Variants in GRIA4 observed in about 807,000 individuals in gnomAD.
The protein encoded by GRIA4 is glutamate ionotropic receptor AMPA type subunit 4, also known as glutamate receptor 4.
GRIA4 carries 34 observed loss-of-function variants against 104.0 expected under a neutral mutation model. The observed-to-expected ratio is 0.33, with a 90% CI of 0.25 to 0.44. The LOEUF (loss-of-function observed/expected upper bound fraction) is 0.44, where lower values mean the gene tolerates loss of function less well. Ranked by LOEUF, GRIA4 falls within the 20% of genes least tolerant of loss-of-function variation. The pLI, the probability that GRIA4 is intolerant of heterozygous loss-of-function variation, is 1.00. For missense variants in GRIA4, 750 were observed against 1,096.5 expected (o/e 0.68, Z 4.46); for synonymous variants, 386 against 381.9 (o/e 1.01, Z -0.13).
chr11:105,723,215 T>A (rs1430980559), intron 3 of GRIA4, among the ~76,000 whole-genome samples: 1 of 152,136 alleles, frequency 6.6e-6, no homozygotes, highest in Non-Finnish European at 1.5e-5. Flanking sequence ...GTCAATTTAA[T>A]CAAATTACGC....
At chr11:105,647,512 A>G (rs997957521) in intron 3 of GRIA4, among the ~76,000 whole-genome samples, 4 of 152,176 alleles carry the variant, frequency 2.6e-5, no homozygotes, top group Non-Finnish European at 5.9e-5. Flanking sequence ...CTGAAGCACT[A>G]TTCACAACAG....
At chr11:105,660,526 T>C (rs757067987) in intron 3 of GRIA4, among the ~76,000 whole-genome samples, 30 of 151,616 alleles carry the variant, frequency 2.0e-4, no homozygotes, top group Non-Finnish European at 1.9e-4. Flanking sequence ...GTTACAGATA[T>C]TGTTCTTGGA....
intron 13 of GRIA4, among the ~76,000 whole-genome samples, chr11:105,931,347 A>G (rs1046384356): frequency 2.6e-5 from 4 of 152,028 alleles, no homozygotes; most frequent in Non-Finnish European, 5.9e-5. Flanking sequence ...TTAATAGCAT[A>G]AAAACATTAT....
intron 6 of GRIA4, among the ~76,000 whole-genome samples, chr11:105,890,235 G>T (rs530498483): frequency 6.6e-6 from 1 of 152,172 alleles, no homozygotes; most frequent in Admixed American, 6.5e-5. Context: ...TTTAAACAAG[G>T]TTAACTCCCT....
At chr11:105,865,632 T>A (rs1189554409) in intron 5 of GRIA4, among the ~76,000 whole-genome samples, 2 of 152,160 alleles carry the variant, frequency 1.3e-5, no homozygotes, top group Admixed American at 1.3e-4. Flanking sequence ...AATAAGAGAT[T>A]TATAGTGGGA....
intron 3 of GRIA4, among the ~76,000 whole-genome samples, chr11:105,709,780 T>C (rs1003284544): frequency 6.6e-6 from 1 of 152,074 alleles, no homozygotes; most frequent in Admixed American, 6.6e-5. Context: ...ATTAAGATGT[T>C]GATAGTGAAG....
In GRIA4 at chr11:105,902,067, G is replaced by A. The variant is rs942042478; in HGVS notation, c.886-1747G>A. Among the ~76,000 whole-genome samples the A allele has an allele frequency of 1.1e-4, 17 of 152,096 alleles. 1 individual carries two copies. The highest frequency in any genetic ancestry group is 4.1e-4 in the African/African-American group (17 of 41,426). ...TGCTTAAACACCTTAATTTTTCTCA[G>A]CTACCCCATCCCAATCAATTGTGAA... On this transcript the variant is annotated intron_variant, in intron 7 of 16. Coordinates refer to ENST00000282499, the MANE Select transcript of GRIA4 (RefSeq NM_000829.4).
intron 14 of GRIA4, among the ~76,000 whole-genome samples, chr11:105,943,422 A>AT (rs910695143): frequency 9.2e-5 from 14 of 152,188 alleles, no homozygotes; most frequent in African/African-American, 2.9e-4. Flanking sequence ...ACTTGTTTTG[A>AT]TTTTTTTAGA....
At chr11:105,702,600 C>T (rs1423350714) in intron 3 of GRIA4, among the ~76,000 whole-genome samples, 1 of 150,958 alleles carries the variant, frequency 6.6e-6, no homozygotes, top group East Asian at 1.9e-4. Context: ...ACAAACAAGA[C>T]AGATGGCATT....
At chr11:105,675,607 A>G (rs1952511634) in intron 3 of GRIA4, among the ~76,000 whole-genome samples, 2 of 151,744 alleles carry the variant, frequency 1.3e-5, no homozygotes, top group South Asian at 4.1e-4. Context: ...TAAGAACAAG[A>G]TCTACAGAAA....
intron 5 of GRIA4, among the ~76,000 whole-genome samples, chr11:105,874,056 T>C (rs1385139873): frequency 2.6e-5 from 4 of 152,076 alleles, no homozygotes; most frequent in African/African-American, 7.2e-5. Flanking sequence ...TTAGGTCTTA[T>C]GTTTAAGTCT....
intron 3 of GRIA4, among the ~76,000 whole-genome samples, chr11:105,710,766 C>T (rs1953882157): frequency 6.6e-6 from 1 of 152,032 alleles, no homozygotes; most frequent in South Asian, 2.1e-4. Flanking sequence ...AAAGACTTGA[C>T]TAATAAAATT....
At chr11:105,646,084 G>C (rs1951519156) in intron 3 of GRIA4, among the ~76,000 whole-genome samples, 1 of 152,142 alleles carries the variant, frequency 6.6e-6, no homozygotes, top group Non-Finnish European at 1.5e-5. Context: ...GGAATTGAGG[G>C]AAACCCATAT....
intron 3 of GRIA4, among the ~76,000 whole-genome samples, chr11:105,663,442 C>T (rs1952072969): frequency 6.6e-6 from 1 of 151,866 alleles, no homozygotes; most frequent in South Asian, 2.1e-4. Context: ...TCTCAAGGAA[C>T]TCATAGTCTC....
intron 3 of GRIA4, among the ~76,000 whole-genome samples, chr11:105,653,298 A>G (rs1428527347): frequency 3.3e-5 from 5 of 152,200 alleles, no homozygotes; most frequent in Non-Finnish European, 4.4e-5. Context: ...AATTGCCAGC[A>G]TCACTACCCT....
At chr11:105,630,612 T>G (rs1951011275) in intron 3 of GRIA4, among the ~76,000 whole-genome samples, 1 of 151,770 alleles carries the variant, frequency 6.6e-6, no homozygotes. Context: ...GATATGAAAA[T>G]GAAGGGATTT....
chr11:105,632,272 T>G (rs553066945), intron 3 of GRIA4, among the ~76,000 whole-genome samples: 12 of 152,300 alleles, frequency 7.9e-5, no homozygotes, highest in African/African-American at 2.6e-4. Context: ...TGGGTTCTCT[T>G]CAGTCTAAAG....
At chr11:105,960,807 A>C (rs1200102308) in intron 14 of GRIA4, among the ~76,000 whole-genome samples, 4 of 152,174 alleles carry the variant, frequency 2.6e-5, no homozygotes, top group Non-Finnish European at 4.4e-5. Context: ...TTCCATGGGA[A>C]AAAGCACAGT....
At chr11:105,679,799 C>T (rs1952653478) in intron 3 of GRIA4, among the ~76,000 whole-genome samples, 1 of 152,106 alleles carries the variant, frequency 6.6e-6, no homozygotes, top group Admixed American at 6.6e-5. Context: ...TTTCACTACA[C>T]ATTGTGCATT....
Sources: allele counts gnomAD v4.1 joint callset (sites outside exome capture counted in the v4.1 genomes callset), GRCh38; gene constraint gnomAD v4.1.1; transcripts MANE v1.5; gene names NCBI Gene and HGNC (gene_info 2026-07-23, HGNC 2026-07-21).